Variants in MSRB3 observed in about 807,000 individuals in gnomAD.
MSRB3 encodes the protein methionine sulfoxide reductase B3.
A neutral mutation model predicts 21.0 loss-of-function variants in MSRB3; 13 were observed. That is an observed-to-expected ratio of 0.62 (90% CI 0.40 to 0.98). The LOEUF (loss-of-function observed/expected upper bound fraction) is 0.98. MSRB3 is among the 50% of genes least tolerant of loss of function. The pLI, the probability that MSRB3 is intolerant of heterozygous loss-of-function variation, is 0.00. For missense variants in MSRB3, 199 were observed against 230.3 expected, an observed-to-expected ratio of 0.86 and a Z score of 0.88; for synonymous variants, 87 against 88.6, an observed-to-expected ratio of 0.98 and a Z score of 0.10.
At chr12:65,282,146 G>C (rs889545841) in intron 1 of MSRB3, 2 of 152,178 alleles carry the variant, frequency 1.3e-5, no homozygotes, top group African/African-American at 4.8e-5. Context: ...GTGAAACCCT[G>C]TCTCTATGAA....
At chr12:65,356,268 AT>A (rs1877378926) in intron 4 of MSRB3, among the ~76,000 whole-genome samples, 1 of 151,990 alleles carries the variant, frequency 6.6e-6, no homozygotes, top group African/African-American at 2.4e-5. Flanking sequence ...TAGCTGAAAA[AT>A]AAAATAATAG....
intron 1 of MSRB3, among the ~76,000 whole-genome samples, chr12:65,286,890 A>C (rs1465394984): frequency 1.3e-5 from 2 of 151,002 alleles, no homozygotes; most frequent in East Asian, 3.9e-4. Flanking sequence ...GTGTGCTGGC[A>C]TGCACCTGTG....
intron 5 of MSRB3, among the ~76,000 whole-genome samples, 179 bp from the exon 6 acceptor site, chr12:65,453,549 A>T (rs1882952654): frequency 6.6e-6 from 1 of 152,226 alleles, no homozygotes; most frequent in South Asian, 2.1e-4. Flanking sequence ...GTTAAAAAAT[A>T]ACTGTACTCT....
chr12:65,433,746 T>C (rs1206553484), intron 5 of MSRB3, among the ~76,000 whole-genome samples: 2 of 151,966 alleles, frequency 1.3e-5, no homozygotes, highest in African/African-American at 4.8e-5. Context: ...TCTTTAAGTC[T>C]CTACACTGCT....
chr12:65,461,539 G>A (rs1883330696), intron 6 of MSRB3, among the ~76,000 whole-genome samples: 1 of 152,206 alleles, frequency 6.6e-6, no homozygotes, highest in African/African-American at 2.4e-5. Context: ...TAACATGGAA[G>A]TGCCATACAG....
intron 1 of MSRB3, among the ~76,000 whole-genome samples, chr12:65,279,763 A>G (rs922666415): frequency 2.0e-5 from 3 of 152,216 alleles, no homozygotes; most frequent in African/African-American, 7.2e-5. Flanking sequence ...TATTTTAAAA[A>G]GCAGTTATTT....
intron 2 of MSRB3, chr12:65,316,337 T>G (rs1874294911): frequency 6.6e-6 from 1 of 152,036 alleles, no homozygotes; most frequent in African/African-American, 2.4e-5. Flanking sequence ...AAGTGCCTTG[T>G]TGTAAGGGAG....
At chr12:65,316,516 A>G (rs1874310495) in intron 2 of MSRB3, among the ~76,000 whole-genome samples, 1 of 152,178 alleles carries the variant, frequency 6.6e-6, no homozygotes, top group African/African-American at 2.4e-5. Flanking sequence ...CACTGTTACA[A>G]TTCAGCAACT....
intron 6 of MSRB3, among the ~76,000 whole-genome samples, chr12:65,455,319 A>G (rs1401774943): frequency 6.6e-6 from 1 of 151,608 alleles, no homozygotes; most frequent in African/African-American, 2.4e-5. Flanking sequence ...TGAAAATTAG[A>G]CTTCATATTT....
At chr12:65,378,487 T>C (rs758928898) in intron 5 of MSRB3, among the ~76,000 whole-genome samples, 1 of 152,184 alleles carries the variant, frequency 6.6e-6, no homozygotes. Flanking sequence ...TGGTAGAAGA[T>C]AAGAGGGCAA....
At chr12:65,458,007 A>T (rs1383171280) in intron 6 of MSRB3, among the ~76,000 whole-genome samples, 2 of 152,210 alleles carry the variant, frequency 1.3e-5, no homozygotes, top group African/African-American at 4.8e-5. Context: ...GTGTTATAAA[A>T]AATCTATTAG....
Position 65,463,306 on chromosome 12 carries a change from A to G in MSRB3, c.542A>G (p.Asp181Gly), listed in dbSNP as rs778364262. 6.8e-6 allele frequency: 11 copies of G among 1,614,118 alleles called. No homozygotes were observed. The highest frequency in any genetic ancestry group is 1.6e-4 in the Middle Eastern group (1 of 6,084). ...GGGGTCGCCAGCCCGGCCCAGGCAGACAAAGCGGAGCTCTAGAGTAATGGA... is the reference window on the plus strand; with the variant it reads ...GGGGTCGCCAGCCCGGCCCAGGCAGGCAAAGCGGAGCTCTAGAGTAATGGA... ...GSGVASPAQA[D>G]KAEL The change falls in exon 7 of 7, where the codon GAC becomes GGC. Residue 181 changes from aspartate (D) to glycine (G), a missense_variant. By Grantham distance (94) the Asp-to-Gly change is moderately conservative. Coordinates refer to ENST00000308259, the MANE Select transcript of MSRB3 (RefSeq NM_001031679.3).
chr12:65,416,435 G>A (rs1880978414), intron 5 of MSRB3, among the ~76,000 whole-genome samples: 1 of 152,172 alleles, frequency 6.6e-6, no homozygotes, highest in Non-Finnish European at 1.5e-5. Flanking sequence ...AATGATGGGA[G>A]TACGTCTGAA....
intron 4 of MSRB3, among the ~76,000 whole-genome samples, chr12:65,343,669 A>G (rs1876294601): frequency 1.3e-5 from 2 of 152,212 alleles, no homozygotes; most frequent in East Asian, 1.9e-4. Flanking sequence ...CACAAAGGGT[A>G]TGTAATATGC....
chr12:65,409,165 CGT>C lies in MSRB3; in HGVS notation c.292+40150_292+40151del, dbSNP rs1555210694. Among the ~76,000 whole-genome samples the C allele has an allele frequency of 1.8e-3, 279 of 150,978 alleles. 4 individuals carry two copies. The highest frequency in any genetic ancestry group is 2.8e-3 in the Non-Finnish European group (187 of 67,776). On this transcript the variant is annotated intron_variant, in intron 5 of 6. Transcript: ENST00000308259. Reference sequence around the variant, plus strand: ...CATATTATACCTATATATCTATATACGTGTGTGTGTGTTTGTGTGTGTATATA... The same window carrying C: ...CATATTATACCTATATATCTATATACGTGTGTGTGTTTGTGTGTGTATATA...
intron 4 of MSRB3, among the ~76,000 whole-genome samples, chr12:65,367,629 G>A (rs1001195192): frequency 3.3e-5 from 5 of 152,208 alleles, no homozygotes; most frequent in African/African-American, 1.2e-4. Context: ...GGCAAGTGTT[G>A]TTAGAGTTGT....
At chr12:65,332,117 G>T (rs142333134) in intron 4 of MSRB3, among the ~76,000 whole-genome samples, 1 of 152,288 alleles carries the variant, frequency 6.6e-6, no homozygotes, top group Non-Finnish European at 1.5e-5. Flanking sequence ...ATTTAGAGGC[G>T]AGAGGCTCTA....
chr12:65,356,353 T>G (rs1877384128), intron 4 of MSRB3, among the ~76,000 whole-genome samples: 1 of 151,966 alleles, frequency 6.6e-6, no homozygotes, highest in Non-Finnish European at 1.5e-5. Flanking sequence ...TCTGATGGAT[T>G]TTTCACTTGT....
intron 4 of MSRB3, among the ~76,000 whole-genome samples, chr12:65,328,896 T>C (rs1297708294): frequency 1.3e-5 from 2 of 152,220 alleles, no homozygotes; most frequent in African/African-American, 4.8e-5. Flanking sequence ...AGCATAGAAA[T>C]GTTTATGCAT....
Sources: allele counts gnomAD v4.1 joint callset (sites outside exome capture counted in the v4.1 genomes callset), GRCh38; gene constraint gnomAD v4.1.1; transcripts MANE v1.5; gene names NCBI Gene and HGNC (gene_info 2026-07-23, HGNC 2026-07-21).